The following ERAP1 variants were observed in gnomAD, a reference collection of about 807,000 sequenced individuals.
The protein encoded by ERAP1 is adipocyte-derived leucine aminopeptidase.
A neutral mutation model predicts 103.7 loss-of-function variants in ERAP1; 86 were observed. The ratio of observed to expected loss-of-function variants is 0.83; its 90% CI spans 0.70 to 0.99. The LOEUF is 0.99. Ranked by LOEUF, ERAP1 falls within the 50% of genes least tolerant of loss-of-function variation. The pLI, the probability that ERAP1 is intolerant of heterozygous loss-of-function variation, is 0.00. For missense variants in ERAP1, 1,009 were observed against 1,128.4 expected (o/e 0.89, Z 1.52); for synonymous variants, 398 against 402.4 (o/e 0.99, Z 0.13).
the ERAP1 span, among the ~76,000 whole-genome samples, chr5:96,932,209 G>A: frequency 6.6e-6 from 1 of 152,106 alleles, no homozygotes; most frequent in African/African-American, 2.4e-5. Context: ...TGACTCCTTC[G>A]GTCCTTAGGG....
At chr5:96,763,115 T>G (rs1768573310) in exon 20 of ERAP1, 1 of 778,950 alleles carries the variant, frequency 1.3e-6, no homozygotes, top group Admixed American at 1.7e-5. Context: ...ATGAAGTAAC[T>G]TTAGCGAAGT....
chr5:96,854,715 C>T, the ERAP1 span, among the ~76,000 whole-genome samples: 1 of 152,152 alleles, frequency 6.6e-6, no homozygotes, highest in Non-Finnish European at 1.5e-5. Flanking sequence ...GTTCAATTTC[C>T]ATGGGCATTT....
downstream of ERAP1, chr5:96,769,735 C>T (rs902751291): frequency 6.6e-6 from 1 of 151,656 alleles, no homozygotes; most frequent in Non-Finnish European, 1.5e-5. Flanking sequence ...ATCTCTGTTT[C>T]CTCCTCCTGT....
chr5:96,771,140 T>C (rs979605826), downstream of ERAP1, among the ~76,000 whole-genome samples: 1 of 152,218 alleles, frequency 6.6e-6, no homozygotes, highest in African/African-American at 2.4e-5. Context: ...GTAGATTCCC[T>C]TAAGGGATAT....
chr5:96,784,012 A>T lies in ERAP1; in HGVS notation c.2012T>A (p.Met671Lys), dbSNP rs761247044. 1.2e-6 allele frequency: 2 copies of T among 1,613,958 alleles called. No individual in the cohort carries two copies. The highest frequency in any genetic ancestry group is 3.3e-5 in the Admixed American group (2 of 60,022). Residue 671 changes from methionine to lysine, a missense_variant, in exon 14 of 19, where the codon ATG becomes AAG. Met to Lys is a moderately conservative substitution (Grantham distance 95, BLOSUM62 -1). Coordinates refer to ENST00000443439, the MANE Select transcript of ERAP1 (RefSeq NM_001040458.3). Reference protein sequence around the residue: ...SLYLKHETEIMPVFQGLNELI... With the variant: ...SLYLKHETEIKPVFQGLNELI... ...CTCATTCAAACCTTGAAACACGGGC[A>T]TAATTTCAGTTTCATGTTTCAAGTA...
chr5:96,807,962 C>T, upstream of ERAP1: 1 of 985,792 alleles, frequency 1.0e-6, no homozygotes, highest in East Asian at 1.1e-4. Context: ...CGGGGAGCGG[C>T]AGGCTGGCGC....
downstream of ERAP1, chr5:96,773,498 G>GTCTT (rs1270492988): frequency 6.6e-6 from 1 of 152,282 alleles, no homozygotes; most frequent in Non-Finnish European, 1.5e-5. Flanking sequence ...CAGCAACTGT[G>GTCTT]TCTTTAGAGC....
chr5:96,856,363 T>TAGAGAGAG, the ERAP1 span, among the ~76,000 whole-genome samples: 14 of 27,780 alleles, frequency 5.0e-4, no homozygotes, highest in African/African-American at 1.5e-3. Flanking sequence ...TATATATATA[T>TAGAGAGAG]ATAGAGAGAG....
chr5:96,761,002 A>T (rs1414286068), exon 20 of ERAP1: 1 of 152,144 alleles, frequency 6.6e-6, no homozygotes, highest in Non-Finnish European at 1.5e-5. Context: ...TAAGTGGAAA[A>T]TACAATAATG....
At chr5:96,912,857 C>A in the ERAP1 span, 1 of 1,414,164 alleles carries the variant, frequency 7.1e-7, no homozygotes, top group South Asian at 1.3e-5. Flanking sequence ...TCAGTGAAGT[C>A]ACTAAAACTT....
chr5:96,768,083 C>A, intron 19 of ERAP1: 2 of 902,022 alleles, frequency 2.2e-6, no homozygotes, highest in South Asian at 1.4e-5. Flanking sequence ...ATTGATTGAT[C>A]TATCTATCGG....
the ERAP1 span, among the ~76,000 whole-genome samples, chr5:96,925,281 C>CA: frequency 6.6e-6 from 1 of 152,336 alleles, no homozygotes; most frequent in South Asian, 2.1e-4. Context: ...CTCATCCTTA[C>CA]ACTAACTCTG....
At chr5:96,913,890 TAGA>T in the ERAP1 span, among the ~76,000 whole-genome samples, 2 of 152,154 alleles carry the variant, frequency 1.3e-5, no homozygotes, top group Non-Finnish European at 2.9e-5. Context: ...TCCTCACCCC[TAGA>T]GCCCCTGTGG....
chr5:96,884,753 G>A, the ERAP1 span, among the ~76,000 whole-genome samples: 4 of 151,950 alleles, frequency 2.6e-5, no homozygotes, highest in African/African-American at 9.7e-5. Context: ...TAGAGACGGG[G>A]TTTCACCACG....
intron 1 of ERAP1, 55 bp from the exon 2 acceptor site, chr5:96,803,998 A>C: frequency 6.4e-7 from 1 of 1,571,218 alleles, no homozygotes; most frequent in South Asian, 1.1e-5. Flanking sequence ...TGTTATTGAC[A>C]CAGCATAATT....
At chr5:96,802,159 C>A (rs1778083025) in intron 2 of ERAP1, among the ~76,000 whole-genome samples, 1 of 151,844 alleles carries the variant, frequency 6.6e-6, no homozygotes, top group Admixed American at 6.6e-5. Flanking sequence ...GGCATTTATT[C>A]TAAAGAAATA....
chr5:96,818,580 T>G, the ERAP1 span, among the ~76,000 whole-genome samples: 5 of 152,078 alleles, frequency 3.3e-5, no homozygotes, highest in African/African-American at 4.8e-5. Context: ...GTTGTGCAGG[T>G]TTTCTGAGTT....
the ERAP1 span, chr5:96,915,889 C>A: frequency 2.5e-6 from 2 of 791,950 alleles, no homozygotes; most frequent in South Asian, 1.9e-5. Flanking sequence ...AGTTGTTTGT[C>A]CAATGCCATA....
the ERAP1 span, among the ~76,000 whole-genome samples, chr5:96,819,891 A>G: frequency 6.6e-6 from 1 of 152,330 alleles, no homozygotes; most frequent in South Asian, 2.1e-4. Context: ...TTTAATATTT[A>G]CAATTTTGAC....
Sources: gnomAD v4.1 joint callset for allele counts (sites outside exome capture counted in the v4.1 genomes callset) on GRCh38, gnomAD v4.1.1 for gene constraint, MANE v1.5 for transcripts, NCBI Gene and HGNC (gene_info 2026-07-23, HGNC 2026-07-21) for gene names.